ARHGAP15: variants seen among roughly 807,000 people sequenced by gnomAD.
ARHGAP15 encodes rho GTPase-activating protein 15.
In ARHGAP15, 51 loss-of-function variants were observed where a neutral mutation model predicts 63.7. The ratio of observed to expected loss-of-function variants is 0.80; its 90% confidence interval spans 0.64 to 1.01. The LOEUF (loss-of-function observed/expected upper bound fraction) is 1.01. Ranked by LOEUF, ARHGAP15 falls within the 50% of genes least tolerant of loss-of-function variation. The probability of loss-of-function intolerance (pLI) is 0.00; values close to 1 mark genes in which losing one functional copy is unlikely to be tolerated. For synonymous variants in ARHGAP15, 191 were observed against 193.8 expected (o/e 0.99, Z 0.12); for missense variants, 560 against 564.6 (o/e 0.99, Z 0.08).
chr2:143,406,074 A>G (rs1418680350), intron 6 of ARHGAP15, among the ~76,000 whole-genome samples: 1 of 151,218 alleles, frequency 6.6e-6, no homozygotes, highest in African/African-American at 2.4e-5. Flanking sequence ...TTTTATTTCA[A>G]TTTTCTTTTT....
At chr2:143,501,301 T>C (rs1246530598) in intron 9 of ARHGAP15, among the ~76,000 whole-genome samples, 4 of 152,240 alleles carry the variant, frequency 2.6e-5, no homozygotes, top group Non-Finnish European at 5.9e-5. Context: ...ACATTTTAAA[T>C]GCATTGAAGC....
intron 12 of ARHGAP15, among the ~76,000 whole-genome samples, chr2:143,673,850 G>A (rs1280451632): frequency 1.4e-5 from 2 of 143,276 alleles, no homozygotes; most frequent in Admixed American, 7.2e-5. Flanking sequence ...AAGAATAATA[G>A]TCCTTCAGAA....
chr2:143,433,781 C>T (rs1244813353), intron 6 of ARHGAP15, among the ~76,000 whole-genome samples: 1 of 151,920 alleles, frequency 6.6e-6, no homozygotes, highest in Admixed American at 6.6e-5. Context: ...TTTATACTGG[C>T]AGAGAAACAT....
chr2:143,675,381 A>G (rs1374067106), intron 12 of ARHGAP15, among the ~76,000 whole-genome samples: 1 of 152,158 alleles, frequency 6.6e-6, no homozygotes. Flanking sequence ...CTGCCTATGA[A>G]TCATGAATGT....
chr2:143,511,267 C>T (rs1169743388), intron 9 of ARHGAP15, among the ~76,000 whole-genome samples: 1 of 152,144 alleles, frequency 6.6e-6, no homozygotes, highest in East Asian at 1.9e-4. Flanking sequence ...ATTTTTCTCA[C>T]CAAAAGATGC....
chr2:143,375,414 T>C (rs1686762555), intron 6 of ARHGAP15, among the ~76,000 whole-genome samples: 2 of 152,164 alleles, frequency 1.3e-5, no homozygotes, highest in South Asian at 4.1e-4. Flanking sequence ...TGATTGGTGA[T>C]GAAAATTCAG....
Position 143,216,711 on chromosome 2 carries a change from A to G in ARHGAP15, c.296+266A>G, listed in dbSNP as rs551672120. ...ACTCATAAAACACTGAAAATAAATA[A>G]GACAATGGATTGTGATTTCTGTGAT... On this transcript the variant is annotated intron_variant, in intron 4 of 13. Transcript: ENST00000295095. Among the ~76,000 whole-genome samples, 4 of 152,378 alleles carry G rather than the reference A, an allele frequency of 2.6e-5. No homozygotes were observed. In the East Asian group the frequency reaches 7.7e-4, roughly 29 times the overall value.
rs1683958848 is a variant in ARHGAP15 at position 143,698,756 on chromosome 2, G to A, written c.1139-4663G>A. ...GCAAAAATAAATCATAATAGAATAA[G>A]GGCAGGAGTAAATGCAAATGAAAGA... On this transcript the variant is annotated intron_variant, in intron 12 of 13. Transcript: ENST00000295095. Among the ~76,000 whole-genome samples the A allele has an allele frequency of 4.6e-5, 7 of 152,176 alleles. No individual in the cohort carries two copies. In the South Asian group the frequency reaches 1.5e-3, roughly 32 times the overall value.
At chr2:143,749,001 A>AG (rs1163674569) in intron 13 of ARHGAP15, among the ~76,000 whole-genome samples, 1 of 151,850 alleles carries the variant, frequency 6.6e-6, no homozygotes, top group African/African-American at 2.4e-5. Flanking sequence ...AGCTTTTGAG[A>AG]GGGGGAAAAA....
intron 12 of ARHGAP15, chr2:143,682,834 C>T (rs1444307941): frequency 6.6e-6 from 1 of 152,158 alleles, no homozygotes; most frequent in Non-Finnish European, 1.5e-5. Context: ...CAAACCTACC[C>T]ACTTCTCCTT....
intron 2 of ARHGAP15, among the ~76,000 whole-genome samples, chr2:143,196,657 G>A (rs1691896231): frequency 6.6e-6 from 1 of 151,794 alleles, no homozygotes; most frequent in Non-Finnish European, 1.5e-5. Context: ...TTTCAAGTGG[G>A]AATTTTAGCA....
At chr2:143,207,269 G>A (rs1692365802) in intron 3 of ARHGAP15, among the ~76,000 whole-genome samples, 3 of 151,848 alleles carry the variant, frequency 2.0e-5, no homozygotes, top group Admixed American at 2.0e-4. Flanking sequence ...ACTAATTATA[G>A]ATAATATAGT....
rs1692873037 is a variant in ARHGAP15 at position 143,218,793 on chromosome 2, T to C, written c.296+2348T>C. On this transcript the variant is annotated intron_variant, in intron 4 of 13. Coordinates refer to ENST00000295095, the MANE Select transcript of ARHGAP15 (RefSeq NM_018460.4). Reference sequence around the variant, plus strand: ...GGTATGTGATATAGCCTATTGCTCCTAGGCTACAAACATTTACAGTATGTT... The same window carrying C: ...GGTATGTGATATAGCCTATTGCTCCCAGGCTACAAACATTTACAGTATGTT... 2.0e-5 allele frequency among the ~76,000 whole-genome samples: 3 copies of C among 152,160 alleles called. No homozygotes were observed. In the South Asian group the frequency reaches 6.2e-4, roughly 31 times the overall value.
chr2:143,612,252 C>T (rs537628666), intron 11 of ARHGAP15, among the ~76,000 whole-genome samples: 1 of 152,286 alleles, frequency 6.6e-6, no homozygotes, highest in Non-Finnish European at 1.5e-5. Context: ...CCATTTCATA[C>T]CTCTTTGCTA....
At chr2:143,690,974 A>AT (rs1194589371) in intron 12 of ARHGAP15, among the ~76,000 whole-genome samples, 3 of 152,194 alleles carry the variant, frequency 2.0e-5, no homozygotes, top group Admixed American at 6.5e-5. Flanking sequence ...TCATCACACA[A>AT]TTAACACTTT....
At chr2:143,152,541 A>C (rs1347180764) in intron 1 of ARHGAP15, among the ~76,000 whole-genome samples, 1 of 152,144 alleles carries the variant, frequency 6.6e-6, no homozygotes, top group Non-Finnish European at 1.5e-5. Context: ...GATAAAGATT[A>C]TCTCTAGTCT....
chr2:143,739,766 A>T (rs977426539), intron 13 of ARHGAP15, among the ~76,000 whole-genome samples: 47 of 152,146 alleles, frequency 3.1e-4, no homozygotes, highest in African/African-American at 1.1e-3. Flanking sequence ...TTTACTGAAG[A>T]TTGACAGAGG....
chr2:143,496,268 AG>A (rs772859068), intron 9 of ARHGAP15, among the ~76,000 whole-genome samples: 47 of 152,284 alleles, frequency 3.1e-4, no homozygotes, highest in Non-Finnish European at 7.4e-5. Context: ...TGTTGAGAAA[AG>A]GGTGCACCTG....
intron 6 of ARHGAP15, among the ~76,000 whole-genome samples, chr2:143,348,633 A>G (rs1685412104): frequency 6.6e-6 from 1 of 152,148 alleles, no homozygotes; most frequent in African/African-American, 2.4e-5. Flanking sequence ...AAAGGTGTCC[A>G]TGTATGTTGG....
Sources: gnomAD v4.1 joint callset for allele counts (sites outside exome capture counted in the v4.1 genomes callset) on GRCh38, gnomAD v4.1.1 for gene constraint, MANE v1.5 for transcripts, NCBI Gene and HGNC (gene_info 2026-07-23, HGNC 2026-07-21) for gene names.